HDLBP: variants seen among roughly 807,000 people sequenced by gnomAD.
The protein encoded by HDLBP is vigilin.
In HDLBP, 30 loss-of-function variants were observed where a neutral mutation model predicts 137.3. That is an observed-to-expected ratio of 0.22 (90% CI 0.16 to 0.30). The LOEUF is 0.30. Ranked by LOEUF, HDLBP falls within the 10% of genes least tolerant of loss-of-function variation. The pLI is 1.00. For synonymous variants in HDLBP, 606 were observed against 596.0 expected (o/e 1.02, Z -0.24); for missense variants, 1,119 against 1,667.3 (o/e 0.67, Z 5.73).
intron 1 of HDLBP, among the ~76,000 whole-genome samples, chr2:241,283,473 TC>T (rs1559542635): frequency 3.3e-5 from 5 of 151,620 alleles, no homozygotes; most frequent in Non-Finnish European, 7.4e-5. Flanking sequence ...CTAGATGGCT[TC>T]TTTTTTTTTT....
At chr2:241,260,000 T>G (rs2073025802) in intron 5 of HDLBP, among the ~76,000 whole-genome samples, 3 of 151,372 alleles carry the variant, frequency 2.0e-5, no homozygotes, top group Admixed American at 6.6e-5. Context: ...AGAAGTTATT[T>G]ATTTATTTAT....
rs1483345972 is a variant in HDLBP, at chr2:241,227,517, C to T, written c.*2084G>A. The T allele has an allele frequency of 6.6e-6, 1 of 152,568 alleles. No homozygotes were observed. Among genetic ancestry groups the T allele is most frequent in the Non-Finnish European group, 1.5e-5 (1 of 68,078 alleles). 9.5% of individuals were successfully genotyped at this position (152,568 alleles called of 1,614,324 possible). A position where few individuals can be genotyped will look rare whatever the true frequency, so the allele number is the denominator to read the frequency against. On this transcript the variant is annotated 3_prime_UTR_variant, in exon 28 of 28. Transcript: ENST00000310931. ...CAGGGCTGTCCTGACAGCACAGACG[C>T]TTCAGGGAGACAGGCCTGGGGACAG... is the stretch of plus-strand genomic sequence containing the variant.
intron 1 of HDLBP, among the ~76,000 whole-genome samples, chr2:241,313,121 A>G (rs2075802282): frequency 6.6e-6 from 1 of 152,238 alleles, no homozygotes; most frequent in South Asian, 2.1e-4. Context: ...TTCTGTAGGA[A>G]GACTTTCCAA....
chr2:241,231,578 C>G (rs886213282), intron 24 of HDLBP, among the ~76,000 whole-genome samples: 62 of 152,098 alleles, frequency 4.1e-4, no homozygotes, highest in African/African-American at 1.4e-3. Context: ...AAGCCCCAAG[C>G]CCCTCAGCTT....
chr2:241,277,453 A>G (rs369245508), intron 1 of HDLBP, among the ~76,000 whole-genome samples: 2 of 152,234 alleles, frequency 1.3e-5, no homozygotes, highest in South Asian at 2.1e-4. Flanking sequence ...AAAGGACAGT[A>G]TAAGTAGGCA....
At chr2:241,294,101 T>C (rs1299972695) in intron 1 of HDLBP, among the ~76,000 whole-genome samples, 1 of 152,092 alleles carries the variant, frequency 6.6e-6, no homozygotes, top group African/African-American at 2.4e-5. Flanking sequence ...AAATAAGAAG[T>C]GTTATAAATG....
At chr2:241,288,317 CTG>C (rs966179746) in intron 1 of HDLBP, among the ~76,000 whole-genome samples, 5 of 152,134 alleles carry the variant, frequency 3.3e-5, no homozygotes, top group Non-Finnish European at 7.3e-5. Context: ...GCCTTGGAAA[CTG>C]AGAACAAGAT....
At chr2:241,297,040 G>T (rs1259275707) in intron 1 of HDLBP, among the ~76,000 whole-genome samples, 1 of 152,244 alleles carries the variant, frequency 6.6e-6, no homozygotes, top group Admixed American at 6.5e-5. Context: ...TATCAGTCTG[G>T]AAAAAGCACA....
chr2:241,312,005 G>C (rs1394868845), intron 1 of HDLBP, among the ~76,000 whole-genome samples: 1 of 152,320 alleles, frequency 6.6e-6, no homozygotes, highest in South Asian at 2.1e-4. Flanking sequence ...TGGAGGCAAA[G>C]ATCAAGGAAA....
At chr2:241,251,109 A>C (rs2072112390) in intron 11 of HDLBP, 1 of 151,962 alleles carries the variant, frequency 6.6e-6, no homozygotes, top group Non-Finnish European at 1.5e-5. Context: ...AGCAGCGGGG[A>C]CCACAGGCCT....
chr2:241,291,008 C>T (rs983396823), intron 1 of HDLBP, among the ~76,000 whole-genome samples: 11 of 152,208 alleles, frequency 7.2e-5, no homozygotes, highest in Non-Finnish European at 1.6e-4. Flanking sequence ...TGGACAGACA[C>T]ATGCTAAGTG....
At chr2:241,267,534 C>G in intron 2 of HDLBP, 1 of 1,518,018 alleles carries the variant, frequency 6.6e-7, no homozygotes, top group Admixed American at 2.0e-5. Flanking sequence ...GATCGTTCTC[C>G]TAACAGCGAC....
At chr2:241,273,699 G>C in intron 1 of HDLBP, 17 of 979,992 alleles carry the variant, frequency 1.7e-5, no homozygotes, top group Non-Finnish European at 2.1e-5. Flanking sequence ...CTGGGGACAA[G>C]ACCGTCCCAC....
intron 12 of HDLBP, chr2:241,249,362 G>A: frequency 2.1e-6 from 1 of 471,744 alleles, no homozygotes; most frequent in Non-Finnish European, 4.4e-6. Context: ...ACTCACAGAA[G>A]CAAGGGTGCT....
At chr2:241,267,486 C>A in intron 2 of HDLBP, 1 of 1,261,880 alleles carries the variant, frequency 7.9e-7, no homozygotes, top group Non-Finnish European at 1.1e-6. Context: ...GAACCTGCCA[C>A]CTGCCTGACC....
chr2:241,253,174 C>T lies in HDLBP; in HGVS notation c.1294-139G>A, dbSNP rs887655571. On this transcript the variant is annotated intron_variant, in intron 10 of 27. Coordinates refer to ENST00000310931, the MANE Select transcript of HDLBP (RefSeq NM_005336.6). ...TGTTGGAGACTGCCCCTGCATCTCC[C>T]CTGAAAGATGCCTTCTTCAAGATGA... 8 of 674,322 alleles carry T rather than the reference C, an allele frequency of 1.2e-5. No homozygotes were observed. The African/African-American group carries it at 1.2e-4, about 10-fold the overall frequency. 41.8% of individuals were successfully genotyped at this position (674,322 alleles called of 1,614,324 possible). A position where few individuals can be genotyped will look rare whatever the true frequency, so the allele number is the denominator to read the frequency against.
chr2:241,246,499 C>A, intron 16 of HDLBP: 1 of 422,288 alleles, frequency 2.4e-6, no homozygotes, highest in Non-Finnish European at 4.2e-6. Flanking sequence ...TTTCAGGTAA[C>A]AAGAAGAAAA....
Position 241,229,213 on chromosome 2 carries a change from T to C in HDLBP, c.*388A>G, listed in dbSNP as rs2069424728. ...GGTGGGAAAGGAAGAGGGCAAACGT[T>C]TGGCTTTTATAAAGTCAAGGACGTT... On this transcript the variant is annotated 3_prime_UTR_variant, in exon 28 of 28. Transcript: ENST00000310931. 1 of 215,374 alleles carries C rather than the reference T, an allele frequency of 4.6e-6. No individual in the cohort carries two copies. Among genetic ancestry groups the C allele is most frequent in the Non-Finnish European group, 9.5e-6 (1 of 105,164 alleles). 13.3% of individuals were successfully genotyped at this position (215,374 alleles called of 1,614,324 possible).
chr2:241,273,767 A>G, intron 1 of HDLBP: 2 of 660,232 alleles, frequency 3.0e-6, no homozygotes, highest in African/African-American at 2.0e-5. Context: ...TCAGGTCCGC[A>G]CAGCCTGCAG....
Sources: allele counts gnomAD v4.1 joint callset (sites outside exome capture counted in the v4.1 genomes callset), GRCh38; gene constraint gnomAD v4.1.1; transcripts MANE v1.5; gene names NCBI Gene and HGNC (gene_info 2026-07-23, HGNC 2026-07-21).